Variants in ANK2 observed in about 807,000 individuals in gnomAD.
ANK2 encodes ankyrin-2.
ANK2 carries 83 observed loss-of-function variants against 360.5 expected under a neutral mutation model. The observed-to-expected ratio is 0.23, with a 90% CI of 0.19 to 0.28. ANK2 has a LOEUF of 0.28. ANK2 is among the 10% of genes least tolerant of loss of function. The pLI, the probability that ANK2 is intolerant of heterozygous loss-of-function variation, is 1.00. For synonymous variants in ANK2, 1,740 were observed against 1,759.5 expected (o/e 0.99, Z 0.28); for missense variants, 4,201 against 4,795.7 (o/e 0.88, Z 3.66).
intron 2 of ANK2, among the ~76,000 whole-genome samples, chr4:112,965,009 A>G (rs1234884624): frequency 6.6e-6 from 1 of 152,208 alleles, no homozygotes; most frequent in Non-Finnish European, 1.5e-5. Context: ...CTTTGGGGGT[A>G]TATACCCAGC....
At chr4:113,060,392 C>G (rs944225324) in intron 1 of ANK2, among the ~76,000 whole-genome samples, 1 of 151,930 alleles carries the variant, frequency 6.6e-6, no homozygotes, top group East Asian at 1.9e-4. Context: ...TTCACAATAA[C>G]GTGATGAGTA....
intron 2 of ANK2, among the ~76,000 whole-genome samples, chr4:112,970,066 C>T (rs759381053): frequency 9.2e-5 from 14 of 151,906 alleles, no homozygotes; most frequent in East Asian, 5.8e-4. Context: ...TCACTGCAAC[C>T]GCCGCCTCCC....
intron 2 of ANK2, among the ~76,000 whole-genome samples, chr4:112,973,020 G>T (rs935837250): frequency 6.6e-6 from 1 of 152,094 alleles, no homozygotes; most frequent in African/African-American, 2.4e-5. Context: ...GGCTTGAGGG[G>T]TAAGGCTGGG....
In ANK2 at chr4:113,355,405, G is replaced by A; in HGVS notation, c.6787G>A (p.Glu2263Lys). 6.2e-7 allele frequency: 1 copy of A among 1,613,926 alleles called. No individual in the cohort carries two copies. Among genetic ancestry groups the A allele is most frequent in the Non-Finnish European group, 8.5e-7 (1 of 1,179,962 alleles). The change falls in exon 38 of 46, where the codon GAA (glutamate) becomes AAA (lysine). Residue 2263 changes from glutamate to lysine, a missense_variant. Glu to Lys is a moderately conservative substitution (Grantham distance 56, BLOSUM62 1). Transcript: ENST00000357077. ...KSEEQTGETK[E>K]STKTETTTEI... ...TGAGGAGCAAACTGGGGAAACAAAGGAAAGCACCAAGACAGAAACCACCAC... is the reference window on the plus strand; with the variant it reads ...TGAGGAGCAAACTGGGGAAACAAAGAAAAGCACCAAGACAGAAACCACCAC...
chr4:112,734,998 G>A, the ANK2 span, among the ~76,000 whole-genome samples: 2 of 152,164 alleles, frequency 1.3e-5, no homozygotes, highest in Admixed American at 1.3e-4. Flanking sequence ...TAAAATTGAA[G>A]CAATAAAAAG....
intron 3 of ANK2, among the ~76,000 whole-genome samples, chr4:113,198,239 GC>G (rs2098778232): frequency 6.6e-6 from 1 of 152,068 alleles, no homozygotes. Flanking sequence ...AAAAACTGAA[GC>G]CCCCAAATAT....
rs28630607 is a variant in ANK2 at position 113,064,657 on chromosome 4, G to C, written c.84+14845G>C. 4.9e-3 allele frequency among the ~76,000 whole-genome samples: 741 copies of C among 152,304 alleles called. 7 individuals are homozygous for C. The highest frequency in any genetic ancestry group is 0.017 in the African/African-American group (714 of 41,572). On this transcript the variant is annotated intron_variant, in intron 1 of 45. Coordinates refer to ENST00000357077, the MANE Select transcript of ANK2 (RefSeq NM_001148.6). ...GATTGTGCAAAGTATGGCCCGTGTT[G>C]TTCTTTGGGAAGTCAATTTTAACTT...
At chr4:113,090,302 C>G (rs1475771555) in intron 1 of ANK2, among the ~76,000 whole-genome samples, 1 of 152,096 alleles carries the variant, frequency 6.6e-6, no homozygotes, top group African/African-American at 2.4e-5. Flanking sequence ...TTTCTAAAAT[C>G]TATTTTTTTT....
chr4:113,088,127 A>T (rs552692344), intron 1 of ANK2, among the ~76,000 whole-genome samples: 15 of 152,296 alleles, frequency 9.8e-5, no homozygotes, highest in Admixed American at 9.2e-4. Flanking sequence ...TTTAAGGCTG[A>T]TAAATTGCTG....
chr4:112,786,750 T>TA, the ANK2 span, among the ~76,000 whole-genome samples: 7 of 148,170 alleles, frequency 4.7e-5, no homozygotes, highest in African/African-American at 1.7e-4. Flanking sequence ...ATCAAACTTT[T>TA]TTTTTTTTTT....
chr4:112,852,127 T>G (rs1035244173), intron 1 of ANK2, among the ~76,000 whole-genome samples: 4 of 152,246 alleles, frequency 2.6e-5, no homozygotes, highest in Non-Finnish European at 4.4e-5. Flanking sequence ...AGTCTTCCTC[T>G]ATTGCTCTAA....
At chr4:112,760,148 G>A in the ANK2 span, among the ~76,000 whole-genome samples, 9 of 150,666 alleles carry the variant, frequency 6.0e-5, no homozygotes, top group East Asian at 1.6e-3. Flanking sequence ...GTTCCATTCT[G>A]TATAGAGTTG....
At chr4:112,979,377 C>T (rs2042407736) in intron 2 of ANK2, among the ~76,000 whole-genome samples, 1 of 152,166 alleles carries the variant, frequency 6.6e-6, no homozygotes, top group African/African-American at 2.4e-5. Flanking sequence ...TGCCTGGAAG[C>T]TTGGAGATGC....
At chr4:113,374,499 G>A (rs780863726) in intron 45 of ANK2, among the ~76,000 whole-genome samples, 1 of 152,134 alleles carries the variant, frequency 6.6e-6, no homozygotes, top group East Asian at 1.9e-4. Flanking sequence ...GTATTACACT[G>A]AGCAGTTTCT....
At chr4:113,099,717 C>T (rs2092465642) in intron 1 of ANK2, among the ~76,000 whole-genome samples, 1 of 151,958 alleles carries the variant, frequency 6.6e-6, no homozygotes, top group Non-Finnish European at 1.5e-5. Flanking sequence ...CACTACCCAA[C>T]TTAAGACAAT....
chr4:113,336,044 G>C lies in ANK2; in HGVS notation c.3578G>C (p.Arg1193Pro), dbSNP rs761941047. The change falls in exon 30 of 46, where the codon CGC becomes CCC. Residue 1193 changes from arginine (R) to proline (P), a missense_variant. Physicochemically the swap from Arg to Pro is moderately radical, Grantham distance 103 (BLOSUM62 -2). Coordinates refer to ENST00000357077, the MANE Select transcript of ANK2 (RefSeq NM_001148.6). ...GAGGGGGCACTCACCAAGCGGATCCGCGTAGGCCTGCAGGTATGCCCATGT... is the reference window on the plus strand; with the variant it reads ...GAGGGGGCACTCACCAAGCGGATCCCCGTAGGCCTGCAGGTATGCCCATGT... ...FPEGALTKRI[R>P]VGLQAQPMHS... The C allele has an allele frequency of 6.2e-7, 1 of 1,613,784 alleles. No individual in the cohort carries two copies. Among genetic ancestry groups the C allele is most frequent in the African/African-American group, 1.3e-5 (1 of 74,908 alleles).
At chr4:113,127,546 A>G (rs1248744332) in intron 1 of ANK2, among the ~76,000 whole-genome samples, 1 of 151,992 alleles carries the variant, frequency 6.6e-6, no homozygotes, top group Non-Finnish European at 1.5e-5. Context: ...AATATGAAAT[A>G]GCTGGTTGCT....
At chr4:113,279,839 A>G (rs1229437560) in intron 17 of ANK2, among the ~76,000 whole-genome samples, 1 of 151,970 alleles carries the variant, frequency 6.6e-6, no homozygotes, top group African/African-American at 2.4e-5. Context: ...AAATGTTCAT[A>G]ATTATCCACA....
chr4:113,042,045 A>G (rs543451383), intron 2 of ANK2, among the ~76,000 whole-genome samples: 13 of 152,266 alleles, frequency 8.5e-5, no homozygotes, highest in African/African-American at 2.9e-4. Flanking sequence ...TGTCTGTGAG[A>G]AAGTTTCTTG....
Sources: allele counts gnomAD v4.1 joint callset (sites outside exome capture counted in the v4.1 genomes callset), GRCh38; gene constraint gnomAD v4.1.1; transcripts MANE v1.5; gene names NCBI Gene and HGNC (gene_info 2026-07-23, HGNC 2026-07-21).